The following LAMC1 variants were observed in gnomAD, a reference collection of about 807,000 sequenced individuals.
The protein encoded by LAMC1 is laminin subunit gamma 1.
In LAMC1, 38 loss-of-function variants were observed where a neutral mutation model predicts 173.6. That is an observed-to-expected ratio of 0.22 (90% CI 0.17 to 0.29). The LOEUF (loss-of-function observed/expected upper bound fraction) is 0.29. Ranked by LOEUF, LAMC1 falls within the 10% of genes least tolerant of loss-of-function variation. LAMC1 has a pLI of 1.00. For synonymous variants in LAMC1, 746 were observed against 749.1 expected (o/e 1.00, Z 0.07); for missense variants, 1,824 against 2,051.8 (o/e 0.89, Z 2.14).
intron 1 of LAMC1, among the ~76,000 whole-genome samples, chr1:183,037,964 TAC>T (rs2102012578): frequency 6.6e-6 from 1 of 152,214 alleles, no homozygotes; most frequent in South Asian, 2.1e-4. Flanking sequence ...TGATTAAATA[TAC>T]TAAGTATTAC....
At chr1:183,083,883 T>G (rs1655354026) in intron 1 of LAMC1, among the ~76,000 whole-genome samples, 1 of 152,208 alleles carries the variant, frequency 6.6e-6, no homozygotes, top group Middle Eastern at 3.2e-3. Flanking sequence ...ATGAATAAAT[T>G]GTGATACAGT....
chr1:183,102,803 C>T (rs547322188), intron 1 of LAMC1, among the ~76,000 whole-genome samples: 1 of 152,264 alleles, frequency 6.6e-6, no homozygotes, highest in African/African-American at 2.4e-5. Flanking sequence ...GTCCTCCCTT[C>T]TTCAAATGTC....
chr1:183,076,681 C>G (rs1215129714), intron 1 of LAMC1, among the ~76,000 whole-genome samples: 1 of 152,232 alleles, frequency 6.6e-6, no homozygotes, highest in Non-Finnish European at 1.5e-5. Flanking sequence ...AATCCCCCAT[C>G]AAGACAAAGT....
chr1:183,096,328 C>T (rs1377762362), intron 1 of LAMC1, among the ~76,000 whole-genome samples: 2 of 152,172 alleles, frequency 1.3e-5, no homozygotes, highest in Non-Finnish European at 2.9e-5. Flanking sequence ...CCTCTTAGCT[C>T]CATAGTGATA....
chr1:183,047,648 A>G (rs1654300063), intron 1 of LAMC1, among the ~76,000 whole-genome samples: 1 of 152,208 alleles, frequency 6.6e-6, no homozygotes, highest in African/African-American at 2.4e-5. Context: ...GTCTGTAAAC[A>G]CTACAGAAGT....
At chr1:183,048,626 C>G (rs1416834225) in intron 1 of LAMC1, among the ~76,000 whole-genome samples, 1 of 152,154 alleles carries the variant, frequency 6.6e-6, no homozygotes, top group East Asian at 1.9e-4. Flanking sequence ...ATAGTTAGAG[C>G]TACACACATG....
intron 25 of LAMC1, among the ~76,000 whole-genome samples, chr1:183,137,170 T>C (rs1465385248): frequency 1.3e-5 from 2 of 152,226 alleles, no homozygotes; most frequent in Non-Finnish European, 2.9e-5. Context: ...AGAAACCTCT[T>C]AGTTTCCTTA....
chr1:183,075,734 C>G (rs1655108243), intron 1 of LAMC1, among the ~76,000 whole-genome samples: 2 of 152,164 alleles, frequency 1.3e-5, no homozygotes, highest in Non-Finnish European at 2.9e-5. Flanking sequence ...CTCTCAGAAA[C>G]AGGGAATTTA....
chr1:183,071,715 G>A (rs577870614), intron 1 of LAMC1, among the ~76,000 whole-genome samples: 1 of 152,078 alleles, frequency 6.6e-6, no homozygotes, highest in Non-Finnish European at 1.5e-5. Flanking sequence ...CCCCATTTCT[G>A]TCCTTTTTAT....
intron 6 of LAMC1, 27 bp from the exon 7 acceptor site, chr1:183,116,550 T>G: frequency 3.5e-6 from 5 of 1,435,046 alleles, no homozygotes; most frequent in Non-Finnish European, 4.9e-6. Context: ...CCTTCTCTGA[T>G]TGTTTTATCC....
Position 183,137,672 on chromosome 1 carries a change from G to A in LAMC1, c.4318G>A (p.Ala1440Thr). 1.3e-6 allele frequency: 2 copies of A among 1,565,708 alleles called. No individual in the cohort carries two copies. The highest frequency in any genetic ancestry group is 1.7e-6 in the Non-Finnish European group (2 of 1,158,862). ...ERIASAVQKN[A>T]TSTKAEAERT... ...TACAATTTTCTTTTGTGCCTAGAAT[G>A]CCACCAGCACCAAGGCAGAAGCTGA... The change falls in exon 26 of 28, where the codon GCC becomes ACC. Residue 1440 changes from alanine to threonine, a missense_variant. Coordinates refer to ENST00000258341, the MANE Select transcript of LAMC1 (RefSeq NM_002293.4).
chr1:183,071,637 G>C (rs962462718), intron 1 of LAMC1, among the ~76,000 whole-genome samples: 1 of 152,182 alleles, frequency 6.6e-6, no homozygotes, highest in African/African-American at 2.4e-5. Flanking sequence ...GTGATGTTCT[G>C]CCTTCTTGTT....
At chr1:183,117,975 T>G (rs1355722938) in intron 10 of LAMC1, 59 bp from the exon 11 acceptor site, 1 of 1,014,970 alleles carries the variant, frequency 9.9e-7, no homozygotes, top group East Asian at 2.4e-5. Context: ...TAAGAAATAT[T>G]TCCCCAACAT....
At position 183,143,680 on chromosome 1, in the gene LAMC1, T is replaced by C. The variant is rs1287277164; in HGVS notation, c.*890T>C. The stretch of plus-strand genomic sequence containing the variant: ...CTTACAGCTTTTTTATTAGTTAGTC[T>C]TGGAACTAGTGTTAAGTATCTGGCA... On this transcript the variant is annotated 3_prime_UTR_variant, in exon 28 of 28. Transcript: ENST00000258341. 1 of 152,274 alleles carries C rather than the reference T, an allele frequency of 6.6e-6. No individual in the cohort carries two copies. Among genetic ancestry groups the C allele is most frequent in the African/African-American group, 2.4e-5 (1 of 41,468 alleles). 9.4% of individuals were successfully genotyped at this position (152,274 alleles called of 1,614,324 possible). A position where few individuals can be genotyped will look rare whatever the true frequency, so the allele number is the denominator to read the frequency against.
Position 183,111,097 on chromosome 1 carries a change from C to CTT in LAMC1, c.1021+455_1021+456dup, listed in dbSNP as rs71297854. On this transcript the variant is annotated intron_variant, in intron 4 of 27. Coordinates refer to ENST00000258341, the MANE Select transcript of LAMC1 (RefSeq NM_002293.4). The stretch of plus-strand genomic sequence containing the variant: ...TCCAAGATTATTTCTTTTTTCTTTT[C>CTT]TTTTTTTTTTTTTGAGACTGAGTCT... Among the ~76,000 whole-genome samples, 709 of 144,818 alleles carry CTT rather than the reference C, an allele frequency of 4.9e-3. 4 individuals are homozygous for CTT. The highest frequency in any genetic ancestry group is 7.7e-3 in the Non-Finnish European group (513 of 66,240).
intron 1 of LAMC1, among the ~76,000 whole-genome samples, chr1:183,088,899 A>G (rs547049025): frequency 6.9e-4 from 105 of 152,288 alleles, no homozygotes; most frequent in African/African-American, 2.5e-3. Context: ...GAACTGTAGG[A>G]TATAGTTTGG....
chr1:183,047,660 G>A (rs188747101), intron 1 of LAMC1, among the ~76,000 whole-genome samples: 2 of 152,306 alleles, frequency 1.3e-5, no homozygotes, highest in East Asian at 3.9e-4. Flanking sequence ...TACAGAAGTA[G>A]TTCTCAAATG....
At position 183,097,639 on chromosome 1, in the gene LAMC1, C is replaced by T. The variant is rs79927658; in HGVS notation, c.419-5689C>T. ...AGACAAGAAGAGTTTCTCCCTTATT[C>T]AGAGAGATGAGAAATACTTTACCAT... is the stretch of plus-strand genomic sequence containing the variant. On this transcript the variant is annotated intron_variant, in intron 1 of 27. Transcript: ENST00000258341. 4.3e-3 allele frequency among the ~76,000 whole-genome samples: 652 copies of T among 152,308 alleles called. 3 individuals carry two copies. The highest frequency in any genetic ancestry group is 0.015 in the African/African-American group (607 of 41,574).
At chr1:183,104,528 G>A (rs542387702) in intron 2 of LAMC1, among the ~76,000 whole-genome samples, 1 of 152,300 alleles carries the variant, frequency 6.6e-6, no homozygotes, top group South Asian at 2.1e-4. Flanking sequence ...AAACAAGAAA[G>A]TCTGATAATG....
Sources: allele counts gnomAD v4.1 joint callset (sites outside exome capture counted in the v4.1 genomes callset), GRCh38; gene constraint gnomAD v4.1.1; transcripts MANE v1.5; gene names NCBI Gene and HGNC (gene_info 2026-07-23, HGNC 2026-07-21).